KCNG2: variants seen among roughly 807,000 people sequenced by gnomAD.
KCNG2 encodes potassium voltage-gated channel modifier subfamily G member 2.
KCNG2 carries 7 observed loss-of-function variants against 12.3 expected under a neutral mutation model. The observed-to-expected ratio is 0.57, with a 90% CI of 0.32 to 1.07. The LOEUF is 1.07. Among genes scored for constraint, KCNG2 ranks in the 50% least tolerant of loss-of-function variants. The probability of loss-of-function intolerance (pLI) is 0.04; values close to 1 mark genes in which losing one functional copy is unlikely to be tolerated. For synonymous variants in KCNG2, 414 were observed against 351.4 expected, an observed-to-expected ratio of 1.18 and a Z score of -1.99; for missense variants, 703 against 726.0, an observed-to-expected ratio of 0.97 and a Z score of 0.36.
intron 1 of KCNG2, among the ~76,000 whole-genome samples, 84 bp downstream of exon 1, chr18:79,798,098 C>A (rs1164250022): frequency 2.0e-5 from 3 of 151,258 alleles, no homozygotes; most frequent in Middle Eastern, 3.2e-3. Flanking sequence ...GGGCGGGGGG[C>A]GCGGGCTCCT....
At chr18:79,862,329 T>A (rs1979251587) in intron 2 of KCNG2, among the ~76,000 whole-genome samples, 1 of 152,268 alleles carries the variant, frequency 6.6e-6, no homozygotes, top group African/African-American at 2.4e-5. Context: ...ATATTCTTTG[T>A]CTGATGTGGC....
chr18:79,818,329 T>C (rs1163278441), intron 1 of KCNG2, among the ~76,000 whole-genome samples: 1 of 152,128 alleles, frequency 6.6e-6, no homozygotes, highest in Non-Finnish European at 1.5e-5. Flanking sequence ...AAGAGGGGCG[T>C]GGAGGCTGGA....
chr18:79,838,132 G>C (rs2123034389), intron 1 of KCNG2, among the ~76,000 whole-genome samples: 1 of 152,190 alleles, frequency 6.6e-6, no homozygotes, highest in South Asian at 2.1e-4. Flanking sequence ...GAACAGCAGG[G>C]GGGAACTGGC....
At chr18:79,844,741 CG>C (rs1217366063) in intron 1 of KCNG2, among the ~76,000 whole-genome samples, 2 of 152,146 alleles carry the variant, frequency 1.3e-5, no homozygotes, top group Non-Finnish European at 2.9e-5. Flanking sequence ...AAATTAAAAA[CG>C]GTGATATCAA....
In KCNG2 at chr18:79,803,449, GA is replaced by G. The variant is rs1425389695; in HGVS notation, c.-115+5438del. Reference sequence around the variant, plus strand: ...ACATCTTCTAGAAGAGGGAAGATAGGAAATATGTATCATTGGCTTCTTTAAT... The same window carrying G: ...ACATCTTCTAGAAGAGGGAAGATAGGAATATGTATCATTGGCTTCTTTAAT... On this transcript the variant is annotated intron_variant, in intron 1 of 3. Transcript: ENST00000316249. This position sits in a 1 kb window ranked among gnomAD's most constrained non-coding sequence, Gnocchi z 4.5. Among the ~76,000 whole-genome samples the G allele has an allele frequency of 3.9e-5, 6 of 152,230 alleles. No individual in the cohort carries two copies. The highest frequency in any genetic ancestry group is 1.3e-4 in the Admixed American group (2 of 15,286).
chr18:79,831,684 C>T (rs1178725810), intron 1 of KCNG2, among the ~76,000 whole-genome samples: 2 of 126,510 alleles, frequency 1.6e-5, no homozygotes, highest in Non-Finnish European at 3.5e-5. Flanking sequence ...GGGTTCCCTG[C>T]GGACAGAGCC....
At chr18:79,874,480 G>A (rs1344050320) in intron 3 of KCNG2, among the ~76,000 whole-genome samples, 3 of 152,214 alleles carry the variant, frequency 2.0e-5, no homozygotes, top group Non-Finnish European at 4.4e-5. Flanking sequence ...GGGTGTTTTG[G>A]ACTCTCACAA....
chr18:79,884,874 C>T lies in KCNG2; in HGVS notation c.625-14166C>T, dbSNP rs373586048. Among the ~76,000 whole-genome samples the T allele has an allele frequency of 2.6e-5, 4 of 152,150 alleles. No homozygotes were observed. Among genetic ancestry groups the T allele is most frequent in the African/African-American group, 9.7e-5 (4 of 41,418 alleles). ...CAGAAACACAGTAGCGTGCGCGGGT[C>T]GGTGATGCAGCCAAGACACCATCCC... On this transcript the variant is annotated intron_variant, in intron 3 of 3. Coordinates refer to ENST00000316249, the MANE Select transcript of KCNG2 (RefSeq NM_012283.2). This position sits in a 1 kb window ranked among gnomAD's most constrained non-coding sequence, Gnocchi z 5.5.
At chr18:79,857,866 A>G (rs1361347522) in intron 2 of KCNG2, among the ~76,000 whole-genome samples, 2 of 152,032 alleles carry the variant, frequency 1.3e-5, no homozygotes, top group Non-Finnish European at 1.5e-5. Context: ...ACCACTATCT[A>G]ATTCCAGGAC....
intron 1 of KCNG2, among the ~76,000 whole-genome samples, chr18:79,835,563 A>T (rs1978319200): frequency 6.6e-6 from 1 of 152,258 alleles, no homozygotes; most frequent in Admixed American, 6.5e-5. Flanking sequence ...GTTCAGTGGT[A>T]GACGGAGTAG....
intron 1 of KCNG2, among the ~76,000 whole-genome samples, chr18:79,833,685 A>C (rs1978308433): frequency 6.6e-6 from 1 of 152,258 alleles, no homozygotes; most frequent in South Asian, 2.1e-4. Context: ...CTAAGTCCAA[A>C]TATGTGGTAT....
At chr18:79,799,835 C>T (rs1339661607) in intron 1 of KCNG2, among the ~76,000 whole-genome samples, 1 of 151,984 alleles carries the variant, frequency 6.6e-6, no homozygotes, top group Non-Finnish European at 1.5e-5. Flanking sequence ...AGCTATGATT[C>T]GGGGTTTCTG....
chr18:79,825,355 C>G (rs990438231), intron 1 of KCNG2, among the ~76,000 whole-genome samples: 3 of 152,146 alleles, frequency 2.0e-5, no homozygotes, highest in African/African-American at 7.2e-5. Context: ...GGAAAATATC[C>G]CTAAGTCATC....
intron 3 of KCNG2, among the ~76,000 whole-genome samples, chr18:79,865,707 CCTGGGTGCTGAGAGGT>C (rs1979477766): frequency 2.3e-5 from 1 of 42,858 alleles, no homozygotes; most frequent in Non-Finnish European, 4.7e-5. Flanking sequence ...GGTGCTGAGG[CCTGGGTGCTGAGAGGT>C]CTGTGTTCTG....
At chr18:79,890,711 T>A (rs1980715523) in intron 3 of KCNG2, among the ~76,000 whole-genome samples, 1 of 152,210 alleles carries the variant, frequency 6.6e-6, no homozygotes, top group Admixed American at 6.5e-5. Flanking sequence ...CCTGGGCTTT[T>A]CTTGTGGGTA....
chr18:79,851,615 AGAGT>A (rs932269669), intron 1 of KCNG2, among the ~76,000 whole-genome samples: 5 of 134,546 alleles, frequency 3.7e-5, no homozygotes, highest in African/African-American at 1.2e-4. Context: ...CGGGTGTGTG[AGAGT>A]GTGTGTGTAT....
At chr18:79,805,054 TTC>T (rs1479474980) in intron 1 of KCNG2, among the ~76,000 whole-genome samples, 1 of 152,232 alleles carries the variant, frequency 6.6e-6, no homozygotes, top group Non-Finnish European at 1.5e-5. Flanking sequence ...CAAACTCTGT[TTC>T]TGTGTCCTCC....
At chr18:79,830,091 C>T (rs1232198251) in intron 1 of KCNG2, among the ~76,000 whole-genome samples, 2 of 151,072 alleles carry the variant, frequency 1.3e-5, no homozygotes, top group Non-Finnish European at 2.9e-5. Flanking sequence ...GAGTTCTTAA[C>T]CTAGGACTGG....
chr18:79,805,352 G>T (rs915912531), intron 1 of KCNG2, among the ~76,000 whole-genome samples: 1 of 152,146 alleles, frequency 6.6e-6, no homozygotes. Flanking sequence ...GGAAACACAC[G>T]CGTGGCAGGA....
Sources: gnomAD v4.1 joint callset for allele counts (sites outside exome capture counted in the v4.1 genomes callset) on GRCh38, gnomAD v4.1.1 for gene constraint, Gnocchi (gnomAD v3.1) non-coding constraint, MANE v1.5 for transcripts, NCBI Gene and HGNC (gene_info 2026-07-23, HGNC 2026-07-21) for gene names.